Variants in SLC2A14 observed in about 807,000 individuals in gnomAD.
The protein encoded by SLC2A14 is solute carrier family 2 member 14, also known as solute carrier family 2, facilitated glucose transporter member 14.
SLC2A14 carries 13 observed loss-of-function variants against 43.0 expected under a neutral mutation model. The observed-to-expected ratio is 0.30, with a 90% confidence interval of 0.20 to 0.48. SLC2A14 has a LOEUF of 0.48. Among genes scored for constraint, SLC2A14 ranks in the 20% least tolerant of loss-of-function variants. The pLI is 0.99. For missense variants in SLC2A14, 428 were observed against 620.4 expected (o/e 0.69, Z 3.29); for synonymous variants, 190 against 233.8 (o/e 0.81, Z 1.71).
chr12:7,817,732 T>C (rs1863576726), intron 10 of SLC2A14, 99 bp downstream of exon 10: 4 of 596,936 alleles, frequency 6.7e-6, no homozygotes, highest in Non-Finnish European at 6.3e-6. Flanking sequence ...CGAGACTCAG[T>C]CTCAAAAATA....
chr12:7,836,982 T>C (rs559606623), intron 2 of SLC2A14, among the ~76,000 whole-genome samples: 15 of 151,264 alleles, frequency 9.9e-5, no homozygotes, highest in African/African-American at 3.6e-4. Context: ...GCCGGGCCAA[T>C]ATAGTGAAAC....
intron 7 of SLC2A14, among the ~76,000 whole-genome samples, chr12:7,823,824 G>A (rs756654936): frequency 1.3e-5 from 2 of 152,136 alleles, no homozygotes; most frequent in Non-Finnish European, 1.5e-5. Context: ...TTCACCCAGA[G>A]TAGTTGCCTC....
At chr12:7,848,368 A>G (rs1380839842) in intron 2 of SLC2A14, among the ~76,000 whole-genome samples, 1 of 124,320 alleles carries the variant, frequency 8.0e-6, no homozygotes, top group Non-Finnish European at 1.8e-5. Context: ...TGTATCTCAG[A>G]TTGTCTTTTT....
chr12:7,853,607 GAAAA>G (rs903740585), intron 2 of SLC2A14, among the ~76,000 whole-genome samples: 1 of 151,824 alleles, frequency 6.6e-6, no homozygotes, highest in African/African-American at 2.4e-5. Context: ...CTCAAGAAAA[GAAAA>G]AGAAAGAAAA....
upstream of SLC2A14, among the ~76,000 whole-genome samples, chr12:7,873,797 T>G (rs757005819): frequency 3.3e-5 from 5 of 152,200 alleles, no homozygotes; most frequent in South Asian, 1.0e-3. Flanking sequence ...GATCATCCCC[T>G]GCTGCCCCAT....
chr12:7,836,576 G>A (rs1425252266), intron 2 of SLC2A14, among the ~76,000 whole-genome samples: 1 of 152,066 alleles, frequency 6.6e-6, no homozygotes, highest in Non-Finnish European at 1.5e-5. Context: ...ACACCTGTAA[G>A]CCCAGCACTT....
chr12:7,814,498 C>T lies in SLC2A14; in HGVS notation c.1312G>A (p.Gly438Ser), dbSNP rs757902444. 28 of 1,613,264 alleles carry T rather than the reference C, an allele frequency of 1.7e-5. No individual in the cohort carries two copies. The highest frequency in any genetic ancestry group is 2.2e-5 in the Non-Finnish European group (26 of 1,179,810). Residue 438 changes from glycine (G) to serine (S), a missense_variant, in exon 11 of 11, where the codon GGC becomes AGC. Physicochemically the swap from Gly to Ser is moderately conservative, Grantham distance 56 (BLOSUM62 0). Around this residue, in one of 4 missense-constraint regions of SLC2A14, gnomAD observed 119 missense variants for 188.7 expected, o/e 0.63. Coordinates refer to ENST00000431042, the MANE Select transcript of SLC2A14 (RefSeq NM_001286234.2). ...AAGGCCAAGAAGGTAATGAGGAAGC[C>T]GGTGAAGATAATAAAAACGTAGGCT... ...LGAYVFIIFTGFLITFLAFTF... is the reference protein window; with the variant it reads ...LGAYVFIIFTSFLITFLAFTF...
At chr12:7,866,986 T>C (rs374873280) in intron 2 of SLC2A14, among the ~76,000 whole-genome samples, 1 of 149,134 alleles carries the variant, frequency 6.7e-6, no homozygotes, top group African/African-American at 2.5e-5. Flanking sequence ...TTGTCGCCCA[T>C]GCTGGAGTGC....
intron 1 of SLC2A14, chr12:7,870,721 A>C (rs767645844): frequency 2.2e-5 from 9 of 414,944 alleles, no homozygotes; most frequent in Non-Finnish European, 3.2e-5. Flanking sequence ...TGGAAAAAAC[A>C]AATAAAGTCA....
intron 6 of SLC2A14, 128 bp downstream of exon 6, chr12:7,828,576 T>A: frequency 9.6e-7 from 1 of 1,037,840 alleles, no homozygotes; most frequent in Non-Finnish European, 1.4e-6. Flanking sequence ...AGTAGAGTAA[T>A]CAGAACCATC....
upstream of SLC2A14, among the ~76,000 whole-genome samples, chr12:7,874,853 A>ATTTATATAAG (rs1945407137): frequency 8.4e-6 from 1 of 119,560 alleles, no homozygotes; most frequent in African/African-American, 3.2e-5. Flanking sequence ...ATTTATATAT[A>ATTTATATAAG]AATTATATAT....
intron 2 of SLC2A14, among the ~76,000 whole-genome samples, chr12:7,847,708 T>A (rs1226565410): frequency 6.6e-6 from 1 of 152,120 alleles, no homozygotes; most frequent in African/African-American, 2.4e-5. Flanking sequence ...CTTCCCCTCA[T>A]TCTTCCCCAG....
At chr12:7,826,874 T>C (rs1490478529) in intron 7 of SLC2A14, among the ~76,000 whole-genome samples, 1,690 of 25,412 alleles carry the variant, frequency 0.067, 321 homozygotes, top group African/African-American at 0.15. Flanking sequence ...TCTTTCTTTC[T>C]TTCTTTCTTT....
rs995762010 is a variant in SLC2A14 at position 7,890,743 on chromosome 12, C to A, written c.132+253G>T. 3.6e-5 allele frequency: 9 copies of A among 251,710 alleles called. No individual in the cohort carries two copies. In the East Asian group the frequency reaches 7.1e-4, roughly 20 times the overall value. The allele number at this position is 251,710 out of a possible 1,614,324, so 15.6% of individuals were successfully genotyped here. On this transcript the variant is annotated intron_variant, in intron 1 of 9. Coordinates refer to the SLC2A14 transcript ENST00000539924. The stretch of plus-strand genomic sequence containing the variant: ...ACCCTAGACGCAATGGGACAGGGAG[C>A]GGGGGATGGGGGAATTCAGCTCAGG...
intron 4 of SLC2A14, chr12:7,831,354 A>G: frequency 2.1e-6 from 1 of 482,310 alleles, no homozygotes; most frequent in Non-Finnish European, 3.7e-6. Context: ...ATTCTGAACT[A>G]TCCCTAACTG....
At chr12:7,829,519 C>T (rs1213822275) in intron 5 of SLC2A14, among the ~76,000 whole-genome samples, 1 of 151,012 alleles carries the variant, frequency 6.6e-6, no homozygotes, top group Non-Finnish European at 1.5e-5. Context: ...CATTCCACTG[C>T]ACTCCAGCCT....
At chr12:7,884,803 G>A (rs751446632) in intron 1 of SLC2A14, among the ~76,000 whole-genome samples, 56 of 152,224 alleles carry the variant, frequency 3.7e-4, no homozygotes, top group African/African-American at 1.2e-3. Flanking sequence ...ATTCTTAGAT[G>A]TTTCTCCTCT....
At chr12:7,878,523 C>A (rs997984590) in intron 1 of SLC2A14, among the ~76,000 whole-genome samples, 2 of 151,242 alleles carry the variant, frequency 1.3e-5, no homozygotes, top group Non-Finnish European at 3.0e-5. Context: ...CCTCCCAAAC[C>A]GCTGGGATTA....
chr12:7,825,227 G>T (rs1283168163), intron 7 of SLC2A14, among the ~76,000 whole-genome samples: 1 of 130,906 alleles, frequency 7.6e-6, no homozygotes, highest in African/African-American at 2.5e-5. Flanking sequence ...TTGGGAGGCC[G>T]AGGCGGGTGG....
Sources: allele counts gnomAD v4.1 joint callset (sites outside exome capture counted in the v4.1 genomes callset), GRCh38; gene constraint gnomAD v4.1.1; regional missense constraint gnomAD v4.1.1; transcripts MANE v1.5; gene names NCBI Gene and HGNC (gene_info 2026-07-23, HGNC 2026-07-21).